SPATA16: variants seen among roughly 807,000 people sequenced by gnomAD.
SPATA16 encodes the protein spermatogenesis associated 16.
In SPATA16, 36 loss-of-function variants were observed where a neutral mutation model predicts 63.3. The ratio of observed to expected loss-of-function variants is 0.57; its 90% CI spans 0.44 to 0.75. The LOEUF (loss-of-function observed/expected upper bound fraction) is 0.75. SPATA16 is among the 30% of genes least tolerant of loss of function. The pLI is 0.00. For synonymous variants in SPATA16, 203 were observed against 216.7 expected, an observed-to-expected ratio of 0.94 and a Z score of 0.56; for missense variants, 646 against 679.3, an observed-to-expected ratio of 0.95 and a Z score of 0.54.
chr3:172,973,517 T>C (rs1189379650), intron 5 of SPATA16, among the ~76,000 whole-genome samples: 1 of 152,158 alleles, frequency 6.6e-6, no homozygotes, highest in Non-Finnish European at 1.5e-5. Flanking sequence ...TTGGCTCTGT[T>C]ATTCACATTA....
chr3:173,114,007 C>A (rs1737819618), intron 2 of SPATA16, among the ~76,000 whole-genome samples: 1 of 152,110 alleles, frequency 6.6e-6, no homozygotes, highest in Admixed American at 6.6e-5. Context: ...CGGTGAAACC[C>A]TGTCTCTACT....
chr3:172,903,799 C>T (rs993284649), intron 10 of SPATA16, among the ~76,000 whole-genome samples: 1 of 152,186 alleles, frequency 6.6e-6, no homozygotes, highest in African/African-American at 2.4e-5. Flanking sequence ...TGCAGTGGGT[C>T]AGGCAGCTAC....
chr3:173,129,482 T>G (rs930945780), intron 1 of SPATA16, among the ~76,000 whole-genome samples: 8 of 152,088 alleles, frequency 5.3e-5, no homozygotes, highest in African/African-American at 1.9e-4. Context: ...TGGCCCACAA[T>G]AAGTTCTCTG....
chr3:173,019,447 A>C (rs1735266916), intron 4 of SPATA16, 39 bp downstream of exon 4: 2 of 1,521,228 alleles, frequency 1.3e-6, no homozygotes, highest in Middle Eastern at 1.7e-4. Context: ...AATTAATTTG[A>C]CTTGATATAA....
intron 2 of SPATA16, among the ~76,000 whole-genome samples, chr3:173,110,042 G>A (rs115105317): frequency 0.011 from 1,618 of 151,760 alleles, 29 homozygotes; most frequent in African/African-American, 0.037. Context: ...TTATTTTTTG[G>A]GGTTAAAAGG....
chr3:172,911,826 T>C (rs1162799403), intron 10 of SPATA16, among the ~76,000 whole-genome samples: 2 of 152,160 alleles, frequency 1.3e-5, no homozygotes, highest in Non-Finnish European at 2.9e-5. Flanking sequence ...CCGTCTGCTT[T>C]CTCTTCTTCT....
intron 4 of SPATA16, among the ~76,000 whole-genome samples, chr3:172,988,616 A>G (rs549015798): frequency 1.7e-4 from 26 of 152,328 alleles, no homozygotes; most frequent in Non-Finnish European, 3.4e-4. Flanking sequence ...ACAGATGCTT[A>G]ATATTTTGAA....
chr3:172,961,069 T>TCTTTCTTC (rs1733765195), intron 5 of SPATA16, among the ~76,000 whole-genome samples: 5 of 72,384 alleles, frequency 6.9e-5, no homozygotes, highest in African/African-American at 3.1e-4. Context: ...CTTTCTTCTT[T>TCTTTCTTC]CTTCCTTCCT....
At chr3:172,968,024 G>T (rs1733958614) in intron 5 of SPATA16, among the ~76,000 whole-genome samples, 1 of 152,142 alleles carries the variant, frequency 6.6e-6, no homozygotes, top group South Asian at 2.1e-4. Context: ...CACAAAACCG[G>T]TCCCTGGTAC....
At chr3:173,053,415 A>C (rs1736146543) in intron 2 of SPATA16, among the ~76,000 whole-genome samples, 1 of 152,164 alleles carries the variant, frequency 6.6e-6, no homozygotes, top group East Asian at 1.9e-4. Context: ...AAATGTCAGT[A>C]CTAAATTGGA....
At chr3:172,950,277 C>A (rs1364718013) in intron 6 of SPATA16, among the ~76,000 whole-genome samples, 6 of 152,188 alleles carry the variant, frequency 3.9e-5, no homozygotes, top group African/African-American at 1.2e-4. Context: ...TGGAGGTGAA[C>A]TCCATTAGAT....
chr3:172,929,259 A>G (rs774301254), intron 6 of SPATA16, among the ~76,000 whole-genome samples: 1 of 152,224 alleles, frequency 6.6e-6, no homozygotes, highest in Non-Finnish European at 1.5e-5. Context: ...TGCATGTGTG[A>G]ACAGCTCCAA....
chr3:172,904,228 A>G lies in SPATA16; in HGVS notation c.1587+9433T>C, dbSNP rs530010813. 2.6e-5 allele frequency among the ~76,000 whole-genome samples: 4 copies of G among 152,346 alleles called. No homozygotes were observed. In the South Asian group the frequency reaches 6.2e-4, roughly 24 times the overall value. On this transcript the variant is annotated intron_variant, in intron 10 of 10. Transcript: ENST00000351008. ...GACATCAGGAATAATAACTGATAAT[A>G]TCTGTCATCATCATTATCAGTTACT... is the stretch of plus-strand genomic sequence containing the variant.
intron 1 of SPATA16, among the ~76,000 whole-genome samples, chr3:173,129,922 C>G (rs951195520): frequency 6.6e-6 from 1 of 152,064 alleles, no homozygotes; most frequent in East Asian, 1.9e-4. Flanking sequence ...TTTCCATTAC[C>G]TCACAAATAG....
At chr3:172,979,016 T>G (rs1305193354) in intron 4 of SPATA16, among the ~76,000 whole-genome samples, 2 of 152,114 alleles carry the variant, frequency 1.3e-5, no homozygotes, top group Non-Finnish European at 2.9e-5. Context: ...GGTCGGCGGA[T>G]CATGAGGTCA....
intron 10 of SPATA16, among the ~76,000 whole-genome samples, chr3:172,894,164 C>G (rs997141308): frequency 5.9e-5 from 9 of 152,130 alleles, no homozygotes; most frequent in African/African-American, 1.9e-4. Context: ...TTTCTTTGCT[C>G]TGTTCCAGTT....
At chr3:172,958,785 ACG>A (rs1228330394) in intron 5 of SPATA16, among the ~76,000 whole-genome samples, 14 of 151,816 alleles carry the variant, frequency 9.2e-5, no homozygotes, top group Non-Finnish European at 1.8e-4. Flanking sequence ...GTGTGTGTGC[ACG>A]CACGTGTGTG....
At chr3:173,014,676 T>C (rs1328812936) in intron 4 of SPATA16, among the ~76,000 whole-genome samples, 1 of 152,248 alleles carries the variant, frequency 6.6e-6, no homozygotes, top group Admixed American at 6.5e-5. Context: ...TCAAAAAATC[T>C]GCAAAGTTGA....
At position 173,030,580 on chromosome 3, in the gene SPATA16, G is replaced by A. The variant is rs554485499; in HGVS notation, c.759-11005C>T. Among the ~76,000 whole-genome samples the A allele has an allele frequency of 2.0e-5, 3 of 152,150 alleles. No homozygotes were observed. The East Asian group carries it at 5.8e-4, about 29-fold the overall frequency. ...ACTATAAAAAATCAGAAATAAAAAA[G>A]TGTTGGCAAGGATGTGGAGAAATTA... is the stretch of plus-strand genomic sequence containing the variant. On this transcript the variant is annotated intron_variant, in intron 3 of 10. Transcript: ENST00000351008.
Sources: gnomAD v4.1 joint callset for allele counts (sites outside exome capture counted in the v4.1 genomes callset) on GRCh38, gnomAD v4.1.1 for gene constraint, MANE v1.5 for transcripts, NCBI Gene and HGNC (gene_info 2026-07-23, HGNC 2026-07-21) for gene names.